FLVCR2: variants seen among roughly 807,000 people sequenced by gnomAD.
FLVCR2 encodes the protein choline/ethanolamine transporter FLVCR2.
In FLVCR2, 38 loss-of-function variants were observed where a neutral mutation model predicts 48.9. That is an observed-to-expected ratio of 0.78 (90% CI 0.60 to 1.02). The LOEUF (loss-of-function observed/expected upper bound fraction) is 1.02. FLVCR2 is among the 50% of genes least tolerant of loss of function. The pLI is 0.00. For synonymous variants in FLVCR2, 255 were observed against 257.0 expected (o/e 0.99, Z 0.07); for missense variants, 664 against 663.3 (o/e 1.00, Z -0.01).
intron 4 of FLVCR2, 35 bp downstream of exon 4, chr14:75,633,731 A>T (rs1890100522): frequency 3.3e-6 from 5 of 1,520,928 alleles, no homozygotes; most frequent in Non-Finnish European, 4.6e-6. Flanking sequence ...GGGCCTCAAG[A>T]TGATATAGTT....
chr14:75,640,866 C>G (rs1890292892), intron 6 of FLVCR2, 89 bp from the exon 7 acceptor site: 1 of 892,972 alleles, frequency 1.1e-6, no homozygotes, highest in African/African-American at 1.6e-5. Flanking sequence ...AACAAAACAG[C>G]AAAGGGAGTC....
intron 1 of FLVCR2, among the ~76,000 whole-genome samples, chr14:75,593,225 T>C (rs1888928406): frequency 6.6e-6 from 1 of 152,244 alleles, no homozygotes; most frequent in South Asian, 2.1e-4. Context: ...CATTTTTAGG[T>C]ATCTTTATGG....
chr14:75,586,646 C>T (rs915454685), intron 1 of FLVCR2, among the ~76,000 whole-genome samples: 1 of 152,092 alleles, frequency 6.6e-6, no homozygotes, highest in African/African-American at 2.4e-5. Context: ...TCTTTACTAC[C>T]AGGAAGGTAA....
At chr14:75,611,538 C>A (rs540426753) in intron 1 of FLVCR2, among the ~76,000 whole-genome samples, 1 of 152,116 alleles carries the variant, frequency 6.6e-6, no homozygotes, top group African/African-American at 2.4e-5. Flanking sequence ...GAGTTCGAGA[C>A]CAACCTGGGC....
chr14:75,641,848 A>G lies in FLVCR2; in HGVS notation c.1459A>G (p.Ile487Val), dbSNP rs747398969. Residue 487 changes from isoleucine to valine, a missense_variant, in exon 9 of 10, where the codon ATT becomes GTT. Transcript: ENST00000238667. ...LTLGAALTAFIKADLRRQKAN... is the reference protein window; with the variant it reads ...LTLGAALTAFVKADLRRQKAN... ...TCTCAATCTATCAACCTTAGCATTC[A>G]TTAAGGCAGATCTCCGGAGACAGAA... 3.3e-5 allele frequency: 53 copies of G among 1,613,758 alleles called. No homozygotes were observed. The South Asian group carries it at 4.5e-4, about 14-fold the overall frequency.
intron 1 of FLVCR2, chr14:75,605,667 G>A (rs1566787567): frequency 2.6e-6 from 4 of 1,525,310 alleles, no homozygotes; most frequent in Non-Finnish European, 2.6e-6. Context: ...TTTGGGTTCA[G>A]CCGTGTGTCC....
intron 3 of FLVCR2, among the ~76,000 whole-genome samples, chr14:75,626,916 A>G (rs562193042): frequency 1.3e-5 from 2 of 151,956 alleles, no homozygotes; most frequent in South Asian, 4.1e-4. Context: ...GTGCTTCATA[A>G]ATATTTTCTA....
intron 1 of FLVCR2, among the ~76,000 whole-genome samples, chr14:75,591,776 G>A (rs1888886755): frequency 6.6e-6 from 1 of 150,736 alleles, no homozygotes; most frequent in Non-Finnish European, 1.5e-5. Flanking sequence ...TTTCTGCCTA[G>A]GCTCCCAGGC....
In FLVCR2 at chr14:75,624,877, AT is replaced by A. The variant is rs1259906363; in HGVS notation, c.952+126del. ...CATGTAAAGCTGTTGTCTAGGGTCA[AT>A]CCAGAGGACCCAGCTATGCCCAAGG... is the stretch of plus-strand genomic sequence containing the variant. On this transcript the variant is annotated intron_variant, in intron 3 of 9. Coordinates refer to ENST00000238667, the MANE Select transcript of FLVCR2 (RefSeq NM_017791.3). 4.2e-6 allele frequency: 5 copies of A among 1,187,552 alleles called. No individual in the cohort carries two copies. The East Asian group carries it at 1.2e-4, about 29-fold the overall frequency. The allele number at this position is 1,187,552 out of a possible 1,614,324, so 73.6% of individuals were successfully genotyped here.
intron 1 of FLVCR2, chr14:75,596,342 G>A: frequency 5.6e-6 from 2 of 357,062 alleles, no homozygotes; most frequent in Admixed American, 4.1e-5. Flanking sequence ...AGGTAGACGG[G>A]GTAGGTCTGA....
intron 1 of FLVCR2, among the ~76,000 whole-genome samples, chr14:75,584,969 G>T (rs948416385): frequency 1.3e-5 from 2 of 152,120 alleles, no homozygotes; most frequent in Admixed American, 1.3e-4. Context: ...GTGGGGGAGG[G>T]CTAGTCGCTG....
At chr14:75,642,676 A>T (rs1042705249) in intron 9 of FLVCR2, among the ~76,000 whole-genome samples, 1 of 151,314 alleles carries the variant, frequency 6.6e-6, no homozygotes, top group African/African-American at 2.5e-5. Flanking sequence ...AAATTTAAAA[A>T]TCATCCTGTA....
intron 1 of FLVCR2, among the ~76,000 whole-genome samples, chr14:75,612,219 C>T (rs1241413750): frequency 6.6e-6 from 1 of 152,198 alleles, no homozygotes; most frequent in Non-Finnish European, 1.5e-5. Context: ...TTATTATCTT[C>T]CCTAGGGATC....
At chr14:75,620,396 G>C (rs1249575801) in intron 1 of FLVCR2, among the ~76,000 whole-genome samples, 1 of 152,172 alleles carries the variant, frequency 6.6e-6, no homozygotes, top group African/African-American at 2.4e-5. Context: ...CACTCTGCTA[G>C]AACTCTGGGT....
At chr14:75,643,266 A>G (rs1265110415) in intron 9 of FLVCR2, among the ~76,000 whole-genome samples, 2 of 152,258 alleles carry the variant, frequency 1.3e-5, no homozygotes, top group African/African-American at 4.8e-5. Flanking sequence ...TTGAATTGTT[A>G]CAAATAATAT....
chr14:75,617,547 CTA>C (rs1889647467), intron 1 of FLVCR2, among the ~76,000 whole-genome samples: 1 of 152,186 alleles, frequency 6.6e-6, no homozygotes. Context: ...GTTGAAAACT[CTA>C]GCTTTGCTAC....
At chr14:75,605,961 A>G (rs900906725) in intron 1 of FLVCR2, 5 of 326,446 alleles carry the variant, frequency 1.5e-5, no homozygotes, top group Admixed American at 8.2e-5. Flanking sequence ...ATGCAAGTCT[A>G]TTTGCTGTGT....
At chr14:75,583,532 G>T (rs1888664485) in intron 1 of FLVCR2, among the ~76,000 whole-genome samples, 2 of 152,100 alleles carry the variant, frequency 1.3e-5, no homozygotes, top group South Asian at 4.1e-4. Flanking sequence ...TAAGGTGGGG[G>T]GATACGAGAG....
chr14:75,621,974 G>T (rs1889778236), intron 1 of FLVCR2, 105 bp from the exon 2 acceptor site: 4 of 1,166,506 alleles, frequency 3.4e-6, no homozygotes, highest in Non-Finnish European at 5.2e-6. Flanking sequence ...TGTTAGGAAG[G>T]ATTGGAAGTT....
Sources: gnomAD v4.1 joint callset for allele counts (sites outside exome capture counted in the v4.1 genomes callset) on GRCh38, gnomAD v4.1.1 for gene constraint, MANE v1.5 for transcripts, NCBI Gene and HGNC (gene_info 2026-07-23, HGNC 2026-07-21) for gene names.